HPSE2: variants seen among roughly 807,000 people sequenced by gnomAD.
The protein encoded by HPSE2 is heparanase 2 (inactive), also known as inactive heparanase-2.
Under a neutral mutation model 60.5 loss-of-function variants are expected in HPSE2, and 38 were observed. The observed-to-expected ratio is 0.63, with a 90% CI of 0.48 to 0.82. The LOEUF (loss-of-function observed/expected upper bound fraction) is 0.82. Among genes scored for constraint, HPSE2 ranks in the 40% least tolerant of loss-of-function variants. HPSE2 has a pLI of 0.00. For missense variants in HPSE2, 713 were observed against 740.4 expected (o/e 0.96, Z 0.43); for synonymous variants, 295 against 293.2 (o/e 1.01, Z -0.06).
At chr10:99,300,028 CAAAAAA>C in the HPSE2 span, among the ~76,000 whole-genome samples, 4 of 131,556 alleles carry the variant, frequency 3.0e-5, no homozygotes, top group African/African-American at 1.1e-4. Context: ...GAGGGAGAGG[CAAAAAA>C]AAAAAAAAAG....
chr10:99,126,392 C>CGGA lies in HPSE2; in HGVS notation c.610+17845_610+17846insTCC, dbSNP rs1845164936. On this transcript the variant is annotated intron_variant, in intron 3 of 11. Coordinates refer to ENST00000370552, the MANE Select transcript of HPSE2 (RefSeq NM_021828.5). The surrounding 1 kb of genome is among the most constrained non-coding windows in gnomAD (Gnocchi z 4.0). ...TGCCCTAGTAGCTGAACAGAAAAGA[C>CGGA]AGCTCATCCAAGCTTTATGGCCCCA... is the stretch of plus-strand genomic sequence containing the variant. 6.6e-6 allele frequency among the ~76,000 whole-genome samples: 1 copy of CGGA among 151,550 alleles called. No individual in the cohort carries two copies. The highest frequency in any genetic ancestry group is 1.5e-5 in the Non-Finnish European group (1 of 67,828).
intron 2 of HPSE2, among the ~76,000 whole-genome samples, chr10:99,227,198 G>C (rs1849500898): frequency 6.6e-6 from 1 of 152,142 alleles, no homozygotes; most frequent in African/African-American, 2.4e-5. Flanking sequence ...GTTATACAGT[G>C]TCTTAGAGTT....
At chr10:98,827,776 T>C (rs1951586571) in intron 3 of HPSE2, among the ~76,000 whole-genome samples, 1 of 152,230 alleles carries the variant, frequency 6.6e-6, no homozygotes, top group South Asian at 2.1e-4. Context: ...AAGGCACATA[T>C]CCGACCACTA....
intron 6 of HPSE2, among the ~76,000 whole-genome samples, chr10:98,658,775 G>T (rs1385485092): frequency 6.6e-6 from 1 of 152,076 alleles, no homozygotes. Flanking sequence ...ACTTATATTT[G>T]ATTTATCAAC....
At chr10:98,567,653 C>G (rs542605507) in intron 9 of HPSE2, among the ~76,000 whole-genome samples, 17 of 152,048 alleles carry the variant, frequency 1.1e-4, no homozygotes, top group Non-Finnish European at 2.5e-4. Flanking sequence ...GCAAAGGAGG[C>G]AACAGGGAAA....
the HPSE2 span, among the ~76,000 whole-genome samples, chr10:99,279,912 C>A: frequency 2.0e-5 from 3 of 152,234 alleles, no homozygotes; most frequent in Non-Finnish European, 2.9e-5. Flanking sequence ...AAAATTCACA[C>A]TGGCACATAT....
At chr10:99,169,572 A>G (rs1239102012) in intron 2 of HPSE2, among the ~76,000 whole-genome samples, 1 of 149,002 alleles carries the variant, frequency 6.7e-6, no homozygotes, top group Admixed American at 6.8e-5. Flanking sequence ...TTAACTTGTA[A>G]AATTGCATAG....
intron 3 of HPSE2, among the ~76,000 whole-genome samples, chr10:98,849,709 T>TATAAAATA (rs1952121306): frequency 6.6e-6 from 1 of 152,176 alleles, no homozygotes; most frequent in Admixed American, 6.5e-5. Flanking sequence ...TGTAATTGGC[T>TATAAAATA]ATAAAATAAA....
chr10:98,948,996 T>C (rs1283811837), intron 3 of HPSE2, among the ~76,000 whole-genome samples: 1 of 152,134 alleles, frequency 6.6e-6, no homozygotes, highest in Non-Finnish European at 1.5e-5. Context: ...AGGCTATTAA[T>C]AGATAAGTTT....
intron 11 of HPSE2, chr10:98,461,700 T>C: frequency 8.1e-7 from 1 of 1,235,574 alleles, no homozygotes; most frequent in Non-Finnish European, 1.2e-6. Flanking sequence ...ATCAGGTCTC[T>C]GCTAGAAAAC....
intron 3 of HPSE2, among the ~76,000 whole-genome samples, chr10:98,753,154 T>C (rs1262252800): frequency 6.6e-6 from 1 of 152,138 alleles, no homozygotes; most frequent in African/African-American, 2.4e-5. Flanking sequence ...CTATAGGTAA[T>C]GATGATACAT....
intron 5 of HPSE2, among the ~76,000 whole-genome samples, chr10:98,720,809 AC>A (rs1270565008): frequency 6.6e-6 from 1 of 152,202 alleles, no homozygotes; most frequent in East Asian, 1.9e-4. Context: ...CAATATGAGA[AC>A]TATGTAGAAA....
chr10:99,246,232 TG>T, the HPSE2 span, among the ~76,000 whole-genome samples: 1 of 152,070 alleles, frequency 6.6e-6, no homozygotes, highest in Non-Finnish European at 1.5e-5. Flanking sequence ...TAACCAATTA[TG>T]GGGGGGAAAA....
intron 11 of HPSE2, among the ~76,000 whole-genome samples, chr10:98,469,775 C>T (rs1998756): frequency 0.42 from 63,721 of 152,130 alleles, 14,872 homozygotes; most frequent in African/African-American, 0.65. Context: ...CTTCCAAACC[C>T]TTAGTGATCT....
intron 6 of HPSE2, among the ~76,000 whole-genome samples, chr10:98,667,672 A>G (rs1007736462): frequency 2.6e-5 from 4 of 152,228 alleles, no homozygotes; most frequent in African/African-American, 9.6e-5. Flanking sequence ...ATCAAAAACA[A>G]AAACCATATG....
intron 3 of HPSE2, among the ~76,000 whole-genome samples, chr10:99,104,027 A>C (rs1844133098): frequency 6.6e-6 from 1 of 152,228 alleles, no homozygotes; most frequent in Admixed American, 6.5e-5. Context: ...AAACCATAAA[A>C]ACCCCAGGAG....
chr10:98,459,773 T>G, intron 11 of HPSE2, 34 bp from the exon 12 acceptor site: 1 of 1,592,078 alleles, frequency 6.3e-7, no homozygotes, highest in Non-Finnish European at 8.6e-7. Flanking sequence ...GGACTCATTA[T>G]TGCATTATAA....
chr10:98,682,112 T>A (rs979236086), intron 6 of HPSE2, among the ~76,000 whole-genome samples: 5 of 152,160 alleles, frequency 3.3e-5, no homozygotes, highest in Non-Finnish European at 7.4e-5. Context: ...GGGGGCGGAT[T>A]TCTCATGAAT....
At chr10:98,816,099 A>T (rs1348214210) in intron 3 of HPSE2, among the ~76,000 whole-genome samples, 1 of 151,700 alleles carries the variant, frequency 6.6e-6, no homozygotes, top group Admixed American at 6.6e-5. Context: ...TAATGGGTGC[A>T]GCACACCAAC....
Sources: allele counts gnomAD v4.1 joint callset (sites outside exome capture counted in the v4.1 genomes callset), GRCh38; gene constraint gnomAD v4.1.1; non-coding constraint Gnocchi (gnomAD v3.1); transcripts MANE v1.5; gene names NCBI Gene and HGNC (gene_info 2026-07-23, HGNC 2026-07-21).